Variants in MEI1 observed in about 807,000 individuals in gnomAD.
MEI1 encodes the protein meiotic double-stranded break formation protein 1, also known as meiosis inhibitor protein 1.
MEI1 carries 103 observed loss-of-function variants against 146.2 expected under a neutral mutation model. The ratio of observed to expected loss-of-function variants is 0.70; its 90% confidence interval spans 0.60 to 0.83. MEI1 has a LOEUF of 0.83. Among genes scored for constraint, MEI1 ranks in the 40% least tolerant of loss-of-function variants. The probability of loss-of-function intolerance (pLI) is 0.00; values close to 1 mark genes in which losing one functional copy is unlikely to be tolerated. For missense variants in MEI1, 1,529 were observed against 1,533.0 expected (o/e 1.00, Z 0.04); for synonymous variants, 652 against 628.2 (o/e 1.04, Z -0.57).
chr22:41,773,447 C>T (rs1602078230), intron 20 of MEI1, among the ~76,000 whole-genome samples: 1 of 151,594 alleles, frequency 6.6e-6, no homozygotes, highest in African/African-American at 2.4e-5. Context: ...AAGTTCATCT[C>T]AGAGAAGCTA....
chr22:41,783,402 C>G (rs1008515458), intron 24 of MEI1, among the ~76,000 whole-genome samples: 1 of 151,992 alleles, frequency 6.6e-6, no homozygotes, highest in Non-Finnish European at 1.5e-5. Flanking sequence ...AAGCGATTCT[C>G]TTGCCTCAGC....
chr22:41,792,347 A>G (rs2076209445), intron 26 of MEI1, among the ~76,000 whole-genome samples: 1 of 152,200 alleles, frequency 6.6e-6, no homozygotes, highest in Non-Finnish European at 1.5e-5. Context: ...TGGAAGGTAC[A>G]GTATCTAGAG....
chr22:41,758,332 T>C, intron 17 of MEI1, 33 bp from the exon 18 acceptor site: 1 of 1,597,120 alleles, frequency 6.3e-7, no homozygotes, highest in Non-Finnish European at 8.6e-7. Context: ...CTATGTTCTC[T>C]GTGTGGCTTT....
intron 15 of MEI1, among the ~76,000 whole-genome samples, chr22:41,751,150 C>A (rs960971761): frequency 1.3e-5 from 2 of 152,132 alleles, no homozygotes; most frequent in Non-Finnish European, 2.9e-5. Flanking sequence ...TGGAGAAACT[C>A]TGGATCCCTG....
chr22:41,710,692 C>T (rs560732078), intron 3 of MEI1, among the ~76,000 whole-genome samples: 36 of 152,200 alleles, frequency 2.4e-4, no homozygotes, highest in Middle Eastern at 3.4e-3. Context: ...TTCCTTAATC[C>T]AAGTGATGTT....
At chr22:41,742,255 A>G (rs970123802) in intron 11 of MEI1, among the ~76,000 whole-genome samples, 2 of 152,092 alleles carry the variant, frequency 1.3e-5, no homozygotes, top group African/African-American at 2.4e-5. Context: ...GTGAGACTCC[A>G]TCTCTGGATC....
intron 11 of MEI1, among the ~76,000 whole-genome samples, chr22:41,736,881 GACC>G (rs1404442048): frequency 2.0e-5 from 3 of 152,182 alleles, no homozygotes; most frequent in Non-Finnish European, 4.4e-5. Context: ...CTGAACTCCA[GACC>G]ACATTTCCAA....
chr22:41,701,089 G>A (rs192932243), intron 1 of MEI1, among the ~76,000 whole-genome samples: 95 of 151,942 alleles, frequency 6.3e-4, no homozygotes, highest in African/African-American at 2.2e-3. Context: ...ACATGCATGC[G>A]TCACTACGCC....
At chr22:41,798,570 T>G (rs1386770435) in intron 30 of MEI1, among the ~76,000 whole-genome samples, 1 of 146,052 alleles carries the variant, frequency 6.8e-6, no homozygotes, top group East Asian at 2.0e-4. Flanking sequence ...AGACCAAGAC[T>G]CCGTCTCAAA....
chr22:41,717,596 C>A (rs1176563734), intron 5 of MEI1, among the ~76,000 whole-genome samples: 1 of 151,150 alleles, frequency 6.6e-6, no homozygotes, highest in Non-Finnish European at 1.5e-5. Flanking sequence ...CTGCACCTGG[C>A]TTTCTTTTTC....
intron 6 of MEI1, among the ~76,000 whole-genome samples, chr22:41,719,347 C>T (rs147249147): frequency 2.0e-5 from 3 of 152,142 alleles, no homozygotes; most frequent in African/African-American, 4.8e-5. Context: ...CCATCACATC[C>T]GGCCAAGTTT....
chr22:41,699,561 C>T lies in MEI1; in HGVS notation c.23C>T (p.Thr8Met), dbSNP rs536666977. Residue 8 changes from threonine to methionine, a missense_variant, in exon 1 of 31, where the codon ACG becomes ATG. Physicochemically the swap from Thr to Met is moderately conservative, Grantham distance 81 (BLOSUM62 -1). This residue lies in a region of MEI1 where 1,212 missense variants were observed against 1,178.9 expected (regional missense o/e 1.03). Transcript: ENST00000401548. ...GAGATGGCTGTGAGGCAGGCGGCGA[C>T]GGCGGGCACTCCCGGGCCCAGGAGA... is the stretch of plus-strand genomic sequence containing the variant. MAVRQAA[T>M]AGTPGPRREE... The T allele has an allele frequency of 1.9e-6, 3 of 1,611,696 alleles. No homozygotes were observed. Among genetic ancestry groups the T allele is most frequent in the Non-Finnish European group, 2.5e-6 (3 of 1,179,036 alleles).
Position 41,784,784 on chromosome 22 carries a change from G to T in MEI1, c.3345+1G>T. On this transcript the variant is annotated splice_donor_variant, in intron 26 of 30. Transcript: ENST00000401548. LOFTEE classifies it high-confidence loss of function. Reference sequence around the variant, plus strand: ...TGGGCTGCAGAACCTCCTGGTGCAGGTAAGGCCCTTGCTGAGTGGGGCTTG... The same window carrying T: ...TGGGCTGCAGAACCTCCTGGTGCAGTTAAGGCCCTTGCTGAGTGGGGCTTG... The T allele has an allele frequency of 5.0e-6, 8 of 1,601,104 alleles. No homozygotes were observed. The highest frequency in any genetic ancestry group is 6.0e-6 in the Non-Finnish European group (7 of 1,172,518).
chr22:41,785,241 TTTTATTTA>T (rs138457901), intron 26 of MEI1, among the ~76,000 whole-genome samples: 1 of 148,998 alleles, frequency 6.7e-6, no homozygotes, highest in Non-Finnish European at 1.5e-5. Flanking sequence ...GGCATTTTTA[TTTTATTTA>T]TTTATTTATT....
chr22:41,731,661 T>C (rs9607835), intron 9 of MEI1, among the ~76,000 whole-genome samples: 12,230 of 152,198 alleles, frequency 0.08, 1,355 homozygotes, highest in African/African-American at 0.25. Flanking sequence ...CTGGGACTTA[T>C]TATACCACAT....
At chr22:41,706,983 G>A (rs1213019014) in intron 3 of MEI1, among the ~76,000 whole-genome samples, 1 of 148,334 alleles carries the variant, frequency 6.7e-6, no homozygotes, top group Admixed American at 6.9e-5. Context: ...TTGAAGTCAT[G>A]AGTTCGAGAC....
intron 30 of MEI1, 31 bp from the exon 31 acceptor site, chr22:41,799,223 C>T (rs2076490628): frequency 3.1e-6 from 5 of 1,612,040 alleles, no homozygotes; most frequent in Non-Finnish European, 1.7e-6. Flanking sequence ...CCCCACTTCT[C>T]TGCTGTTTTC....
At chr22:41,766,666 C>T (rs962922758) in intron 19 of MEI1, among the ~76,000 whole-genome samples, 2 of 152,124 alleles carry the variant, frequency 1.3e-5, no homozygotes, top group African/African-American at 2.4e-5. Context: ...CCCACCTCAG[C>T]TTCCTGAGTA....
chr22:41,769,714 C>G (rs1023274204), intron 19 of MEI1, among the ~76,000 whole-genome samples: 1 of 151,522 alleles, frequency 6.6e-6, no homozygotes, highest in Non-Finnish European at 1.5e-5. Context: ...TCAGGTGATC[C>G]GCCCACCTCA....
Sources: allele counts gnomAD v4.1 joint callset (sites outside exome capture counted in the v4.1 genomes callset), GRCh38; gene constraint gnomAD v4.1.1; regional missense constraint gnomAD v4.1.1; transcripts MANE v1.5; gene names NCBI Gene and HGNC (gene_info 2026-07-23, HGNC 2026-07-21).